The following GC variants were observed in gnomAD, a reference collection of about 807,000 sequenced individuals.
GC encodes the protein GC vitamin D binding protein.
A neutral mutation model predicts 56.7 loss-of-function variants in GC; 43 were observed. The observed-to-expected ratio is 0.76, with a 90% CI of 0.59 to 0.98. GC has a LOEUF of 0.98. Ranked by LOEUF, GC falls within the 50% of genes least tolerant of loss-of-function variation. The probability of loss-of-function intolerance (pLI) is 0.00; values close to 1 mark genes in which losing one functional copy is unlikely to be tolerated. For synonymous variants in GC, 216 were observed against 202.7 expected (o/e 1.07, Z -0.56); for missense variants, 529 against 545.9 (o/e 0.97, Z 0.31).
chr4:71,750,603 G>A (rs1443788752), intron 11 of GC, among the ~76,000 whole-genome samples: 2 of 152,122 alleles, frequency 1.3e-5, no homozygotes, highest in Non-Finnish European at 2.9e-5. Context: ...AGGGCCTTCT[G>A]GCCGGGCGCA....
rs117492633 is a variant in GC, at chr4:71,755,091, T to C, written c.1051A>G (p.Ser351Gly). The C allele has an allele frequency of 3.9e-4, 620 of 1,579,352 alleles. 11 individuals carry two copies. In the East Asian group the frequency reaches 0.014, roughly 36 times the overall value. Residue 351 changes from serine (S) to glycine (G), a missense_variant, in exon 9 of 13, where the codon AGC becomes GGC. Transcript: ENST00000273951. ...KVMDKYTFEL[S>G]RRTHLPEVFL... ...ACTTCCGGAAGATGAGTCCTTCTGC[T>C]TAGTTCAAATGTATACCTAGCATGA...
At chr4:71,791,398 C>G (rs1022725572) in intron 1 of GC, among the ~76,000 whole-genome samples, 2 of 151,832 alleles carry the variant, frequency 1.3e-5, no homozygotes, top group Non-Finnish European at 2.9e-5. Context: ...AAGATGATTA[C>G]TTTACCTTTG....
intron 4 of GC, 72 bp downstream of exon 4, chr4:71,765,360 A>C: frequency 1.7e-6 from 2 of 1,192,720 alleles, no homozygotes; most frequent in Non-Finnish European, 2.5e-6. Context: ...GTTTCCACAG[A>C]GTAGGGGGTT....
chr4:71,745,037 T>C lies in GC; in HGVS notation c.*25+1114A>G, dbSNP rs705118. Reference sequence around the variant, plus strand: ...TTAGTTTAGATTCAACCAGTAGTAGTAGGAGCATCAGTGCAACAACTTTGC... The same window carrying C: ...TTAGTTTAGATTCAACCAGTAGTAGCAGGAGCATCAGTGCAACAACTTTGC... On this transcript the variant is annotated intron_variant, in intron 12 of 12. Coordinates refer to ENST00000273951, the MANE Select transcript of GC (RefSeq NM_000583.4). 7.4e-3 allele frequency among the ~76,000 whole-genome samples: 1,128 copies of C among 152,312 alleles called. 8 individuals are homozygous for C. Among genetic ancestry groups the C allele is most frequent in the African/African-American group, 0.023 (962 of 41,564 alleles).
chr4:71,750,541 T>G (rs1741513579), intron 11 of GC, among the ~76,000 whole-genome samples: 1 of 152,192 alleles, frequency 6.6e-6, no homozygotes, highest in Non-Finnish European at 1.5e-5. Flanking sequence ...CTTTCGTGGC[T>G]GATAAATGAA....
intron 11 of GC, among the ~76,000 whole-genome samples, chr4:71,750,156 T>A (rs1418862991): frequency 1.3e-5 from 2 of 152,186 alleles, no homozygotes; most frequent in African/African-American, 4.8e-5. Flanking sequence ...TTTTAAAAAG[T>A]CACTTCAAGT....
chr4:71,792,000 C>G (rs1296148181), intron 1 of GC, among the ~76,000 whole-genome samples: 1 of 152,070 alleles, frequency 6.6e-6, no homozygotes, highest in Non-Finnish European at 1.5e-5. Context: ...TGAACTCATC[C>G]TTTTTTATGG....
chr4:71,797,985 G>A (rs930032972), intron 1 of GC, among the ~76,000 whole-genome samples: 3 of 152,082 alleles, frequency 2.0e-5, no homozygotes, highest in Admixed American at 6.5e-5. Context: ...CCAATGTTTT[G>A]TTAGACCACT....
intron 3 of GC, among the ~76,000 whole-genome samples, chr4:71,765,951 G>C (rs3737549): frequency 3.9e-5 from 6 of 152,162 alleles, no homozygotes; most frequent in Admixed American, 1.3e-4. Flanking sequence ...GTGTTCCTCC[G>C]TGGGGATATT....
intron 11 of GC, among the ~76,000 whole-genome samples, chr4:71,750,540 C>T (rs1741513475): frequency 6.6e-6 from 1 of 152,060 alleles, no homozygotes; most frequent in Admixed American, 6.6e-5. Context: ...GCTTTCGTGG[C>T]TGATAAATGA....
chr4:71,758,243 A>G (rs1272152731), intron 6 of GC, 72 bp from the exon 7 acceptor site: 1 of 1,326,756 alleles, frequency 7.5e-7, no homozygotes, highest in Non-Finnish European at 1.1e-6. Flanking sequence ...TGAACGCACT[A>G]TTTGGAGAAA....
Position 71,756,744 on chromosome 4 carries a change from C to T in GC, c.1002G>A (p.Val334=), listed in dbSNP as rs746973979. The part of the protein sequence containing the change: ...PDVELPTNKD[V]CDPGNTKVMD... ...TGACTTTGGTGTTTCCTGGATCACACACATCTTTGTTTGTGGGCAACTCTA... is the reference window on the plus strand; with the variant it reads ...TGACTTTGGTGTTTCCTGGATCACATACATCTTTGTTTGTGGGCAACTCTA... Residue 334 remains valine, a synonymous_variant, in exon 8 of 13, where the codon GTG becomes GTA. Coordinates refer to ENST00000273951, the MANE Select transcript of GC (RefSeq NM_000583.4). The T allele has an allele frequency of 1.2e-6, 2 of 1,613,462 alleles. No individual in the cohort carries two copies. Among genetic ancestry groups the T allele is most frequent in the Admixed American group, 1.7e-5 (1 of 59,966 alleles).
intron 6 of GC, among the ~76,000 whole-genome samples, chr4:71,761,162 C>T (rs1052590730): frequency 4.2e-4 from 64 of 152,018 alleles, no homozygotes; most frequent in African/African-American, 1.1e-3. Flanking sequence ...ATGCTAATAG[C>T]GATATGGACA....
At chr4:71,797,958 T>C (rs1246606940) in intron 1 of GC, among the ~76,000 whole-genome samples, 1 of 152,246 alleles carries the variant, frequency 6.6e-6, no homozygotes, top group African/African-American at 2.4e-5. Flanking sequence ...TCTTTAAAAC[T>C]TTAGTTACAC....
At chr4:71,780,537 G>GAAA (rs201788452) in intron 1 of GC, among the ~76,000 whole-genome samples, 24 of 151,696 alleles carry the variant, frequency 1.6e-4, no homozygotes, top group African/African-American at 5.8e-4. Flanking sequence ...AAATTTATAA[G>GAAA]AAAAAAACAA....
In GC at chr4:71,763,675, T is replaced by C. The variant is rs1251442960; in HGVS notation, c.606+129A>G. The C allele has an allele frequency of 6.1e-6, 5 of 822,082 alleles. No individual in the cohort carries two copies. The East Asian group carries it at 9.8e-5, about 16-fold the overall frequency. 50.9% of individuals were successfully genotyped at this position (822,082 alleles called of 1,614,324 possible). A position where few individuals can be genotyped will look rare whatever the true frequency, so the allele number is the denominator to read the frequency against. On this transcript the variant is annotated intron_variant, in intron 5 of 12. Transcript: ENST00000273951. ...CAGAGGTATTACATTTATTTTCCAA[T>C]TAAGAAGATGCAAGGGTGGCATTTT...
intron 6 of GC, among the ~76,000 whole-genome samples, chr4:71,759,138 T>A (rs1416912398): frequency 3.3e-5 from 5 of 152,174 alleles, no homozygotes; most frequent in Admixed American, 1.3e-4. Flanking sequence ...TCAGGCTACA[T>A]AATATTCCAT....
intron 3 of GC, among the ~76,000 whole-genome samples, chr4:71,767,689 C>A (rs1742200196): frequency 6.7e-6 from 1 of 150,070 alleles, no homozygotes; most frequent in Non-Finnish European, 1.5e-5. Context: ...TTTGGGGGAA[C>A]AAAACTATTT....
chr4:71,784,294 A>C (rs1364759682), upstream of GC: 1 of 1,137,196 alleles, frequency 8.8e-7, no homozygotes, highest in African/African-American at 1.6e-5. Context: ...TAACTTTGTC[A>C]AACTGCAAAA....
Sources: allele counts gnomAD v4.1 joint callset (sites outside exome capture counted in the v4.1 genomes callset), GRCh38; gene constraint gnomAD v4.1.1; transcripts MANE v1.5; gene names NCBI Gene and HGNC (gene_info 2026-07-23, HGNC 2026-07-21).